The following RAD21 variants were observed in gnomAD, a reference collection of about 807,000 sequenced individuals.
The protein encoded by RAD21 is RAD21 cohesin complex component.
RAD21 carries 18 observed loss-of-function variants against 71.5 expected under a neutral mutation model. The observed-to-expected ratio is 0.25, with a 90% CI of 0.17 to 0.37. The LOEUF (loss-of-function observed/expected upper bound fraction) is 0.37, where lower values mean the gene tolerates loss of function less well. Among genes scored for constraint, RAD21 ranks in the 10% least tolerant of loss-of-function variants. The probability of loss-of-function intolerance (pLI) is 1.00; values close to 1 mark genes in which losing one functional copy is unlikely to be tolerated. For missense variants in RAD21, 493 were observed against 769.1 expected, an observed-to-expected ratio of 0.64 and a Z score of 4.25; for synonymous variants, 248 against 254.0, an observed-to-expected ratio of 0.98 and a Z score of 0.22.
At position 116,874,659 on chromosome 8, in the gene RAD21, A is replaced by T; in HGVS notation, c.-81T>A. 3.0e-6 allele frequency: 1 copy of T among 333,310 alleles called. No homozygotes were observed. The highest frequency in any genetic ancestry group is 8.4e-5 in the East Asian group (1 of 11,900). 20.6% of individuals were successfully genotyped at this position (333,310 alleles called of 1,614,324 possible). A position where few individuals can be genotyped will look rare whatever the true frequency, so the allele number is the denominator to read the frequency against. ...CGGGCTGGGTGGCCCGGGGAGGGGA[A>T]AAGGGTCGGGGGAGGGGGTGGGGAA... On this transcript the variant is annotated 5_prime_UTR_variant, in exon 1 of 14. Coordinates refer to ENST00000297338, the MANE Select transcript of RAD21 (RefSeq NM_006265.3).
chr8:116,864,618 AT>A (rs1755429558), intron 2 of RAD21, among the ~76,000 whole-genome samples: 2 of 152,160 alleles, frequency 1.3e-5, no homozygotes, highest in South Asian at 4.1e-4. Context: ...AACAGAATCT[AT>A]TTTTATGTGG....
At chr8:116,862,971 T>C in intron 3 of RAD21, 159 bp downstream of exon 3, 1 of 885,016 alleles carries the variant, frequency 1.1e-6, no homozygotes, top group Non-Finnish European at 1.6e-6. Context: ...CTTGAAGCAC[T>C]GCCTCCCCAA....
intron 9 of RAD21, among the ~76,000 whole-genome samples, chr8:116,853,957 C>CT (rs1259582606): frequency 6.6e-6 from 1 of 152,144 alleles, no homozygotes; most frequent in African/African-American, 2.4e-5. Flanking sequence ...GTAAAACACA[C>CT]TAAGACGATA....
intron 3 of RAD21, 81 bp downstream of exon 3, chr8:116,863,049 T>C (rs1440825798): frequency 1.7e-5 from 25 of 1,472,028 alleles, no homozygotes; most frequent in Non-Finnish European, 2.2e-5. Flanking sequence ...TTAGAAAATG[T>C]GTTTAGCTAC....
intron 1 of RAD21, among the ~76,000 whole-genome samples, chr8:116,869,710 T>C (rs945466485): frequency 3.9e-5 from 6 of 152,102 alleles, no homozygotes; most frequent in Admixed American, 2.6e-4. Flanking sequence ...GCCAAAAACA[T>C]TATCACCACA....
At chr8:116,858,616 C>G (rs1812521407) in intron 4 of RAD21, among the ~76,000 whole-genome samples, 158 bp from the exon 5 acceptor site, 1 of 152,036 alleles carries the variant, frequency 6.6e-6, no homozygotes, top group South Asian at 2.1e-4. Context: ...CCAGTACAAT[C>G]CAAGAATGTA....
chr8:116,846,114 G>C lies in RAD21; in HGVS notation c.*1386C>G, dbSNP rs1335336013. 1 of 230,822 alleles carries C rather than the reference G, an allele frequency of 4.3e-6. No individual in the cohort carries two copies. The highest frequency in any genetic ancestry group is 8.6e-6 in the Non-Finnish European group (1 of 116,482). The allele number at this position is 230,822 out of a possible 1,614,324, so 14.3% of individuals were successfully genotyped here. A position where few individuals can be genotyped will look rare whatever the true frequency, so the allele number is the denominator to read the frequency against. ...TCTACAATGTCTTTTTACAAACGGG[G>C]AAAACTCCTTGGTTTACAGGCACAT... On this transcript the variant is annotated 3_prime_UTR_variant, in exon 14 of 14. Coordinates refer to ENST00000297338, the MANE Select transcript of RAD21 (RefSeq NM_006265.3).
rs886293932 is a variant in RAD21, at chr8:116,866,737, G to C, written c.-8C>G. The stretch of plus-strand genomic sequence containing the variant: ...AAAATGTGCGTAGAACATTGTTCTG[G>C]CTGGCTATGAAAACAGAAGAAAACC... On this transcript the variant is annotated 5_prime_UTR_variant, in exon 2 of 14. Coordinates refer to ENST00000297338, the MANE Select transcript of RAD21 (RefSeq NM_006265.3). 6.3e-7 allele frequency: 1 copy of C among 1,592,884 alleles called. No homozygotes were observed. The highest frequency in any genetic ancestry group is 1.4e-5 in the African/African-American group (1 of 73,976).
chr8:116,856,350 A>G, intron 7 of RAD21, 62 bp from the exon 8 acceptor site: 3 of 1,368,716 alleles, frequency 2.2e-6, no homozygotes, highest in Non-Finnish European at 2.8e-6. Flanking sequence ...CATATATCCC[A>G]CAAATGGGGA....
At chr8:116,857,564 C>T in intron 5 of RAD21, 91 bp from the exon 6 acceptor site, 1 of 1,061,372 alleles carries the variant, frequency 9.4e-7, no homozygotes, top group Non-Finnish European at 1.4e-6. Context: ...CTAATTATGT[C>T]ACATTTGCTT....
At chr8:116,862,414 G>A (rs933558511) in intron 3 of RAD21, among the ~76,000 whole-genome samples, 1 of 151,768 alleles carries the variant, frequency 6.6e-6, no homozygotes, top group African/African-American at 2.4e-5. Context: ...TGTGCTTATT[G>A]GTCACATGTT....
chr8:116,866,885 G>T, intron 1 of RAD21, 124 bp from the exon 2 acceptor site: 1 of 535,798 alleles, frequency 1.9e-6, no homozygotes, highest in Non-Finnish European at 2.9e-6. Flanking sequence ...TTGAGTAAAT[G>T]TTTAATATGT....
At position 116,857,253 on chromosome 8, in the gene RAD21, T is replaced by C. The variant is rs1204145291; in HGVS notation, c.688+14A>G. The C allele has an allele frequency of 7.5e-6, 12 of 1,590,940 alleles. No homozygotes were observed. The highest frequency in any genetic ancestry group is 1.0e-5 in the Non-Finnish European group (12 of 1,162,382). ...AATTCTGTTTATGCTGGAATAACCA[T>C]CATTCCCACATACCTAATATTCCAC... On this transcript the variant is annotated intron_variant, in intron 6 of 13. Coordinates refer to ENST00000297338, the MANE Select transcript of RAD21 (RefSeq NM_006265.3).
chr8:116,853,782 T>G (rs531582746), intron 9 of RAD21, among the ~76,000 whole-genome samples: 4 of 152,218 alleles, frequency 2.6e-5, no homozygotes, highest in African/African-American at 9.6e-5. Context: ...TGAGTCTTAT[T>G]TTGGAATACT....
At chr8:116,865,733 G>A (rs1812676302) in intron 2 of RAD21, among the ~76,000 whole-genome samples, 1 of 152,048 alleles carries the variant, frequency 6.6e-6, no homozygotes, top group Non-Finnish European at 1.5e-5. Flanking sequence ...AGGCTTTCCT[G>A]TGTACATGTA....
At chr8:116,871,373 C>A (rs1812820193) in intron 1 of RAD21, among the ~76,000 whole-genome samples, 1 of 151,552 alleles carries the variant, frequency 6.6e-6, no homozygotes, top group African/African-American at 2.4e-5. Flanking sequence ...TTCAATTGAC[C>A]CTAAAAAATT....
Position 116,856,203 on chromosome 8 carries a change from C to T in RAD21, c.900G>A (p.Glu300=), listed in dbSNP as rs771438485. 3 of 1,608,358 alleles carry T rather than the reference C, an allele frequency of 1.9e-6. No individual in the cohort carries two copies. The highest frequency in any genetic ancestry group is 4.5e-5 in the East Asian group (2 of 44,530). The change falls in exon 8 of 14, where the codon GAG becomes GAA. Residue 300 remains glutamate, a synonymous_variant. Transcript: ENST00000297338. ...TAGGCTCCAATGCAAATGCTTCTTC[C>T]TCATTTGGAACAAGTGTTGTTTGAT... ...MTDQTTLVPN[E]EEAFALEPID...
intron 1 of RAD21, among the ~76,000 whole-genome samples, chr8:116,871,915 G>C (rs1440614502): frequency 6.6e-6 from 1 of 152,192 alleles, no homozygotes; most frequent in South Asian, 2.1e-4. Flanking sequence ...TGCCTTGCCA[G>C]AGCAGAACAG....
In RAD21 at chr8:116,857,390, AAGT is replaced by A; in HGVS notation, c.562_564del (p.Thr188del). The A allele has an allele frequency of 1.9e-6, 3 of 1,613,226 alleles. No homozygotes were observed. Among genetic ancestry groups the A allele is most frequent in the South Asian group, 1.1e-5 (1 of 91,068 alleles). ...TGTTCAGACTCTAATAGGAGGTTAG[AAGT>A]AGTAGTGCTTACTAACATGTCGTCA... is the stretch of plus-strand genomic sequence containing the variant. On this transcript the variant is annotated inframe_deletion, in exon 6 of 14. Transcript: ENST00000297338.
Sources: allele counts gnomAD v4.1 joint callset (sites outside exome capture counted in the v4.1 genomes callset), GRCh38; gene constraint gnomAD v4.1.1; transcripts MANE v1.5; gene names NCBI Gene and HGNC (gene_info 2026-07-23, HGNC 2026-07-21).